AGK: variants seen among roughly 807,000 people sequenced by gnomAD.
AGK encodes acylglycerol kinase, also known as acylglycerol kinase, mitochondrial.
A neutral mutation model predicts 66.4 loss-of-function variants in AGK; 52 were observed. The observed-to-expected ratio is 0.78, with a 90% confidence interval of 0.63 to 0.99. The LOEUF (loss-of-function observed/expected upper bound fraction) is 0.99. Among genes scored for constraint, AGK ranks in the 50% least tolerant of loss-of-function variants. The pLI, the probability that AGK is intolerant of heterozygous loss-of-function variation, is 0.00. For synonymous variants in AGK, 182 were observed against 181.1 expected, an observed-to-expected ratio of 1.00 and a Z score of -0.04; for missense variants, 451 against 506.6, an observed-to-expected ratio of 0.89 and a Z score of 1.05.
intron 5 of AGK, among the ~76,000 whole-genome samples, chr7:141,609,827 T>C (rs1437420882): frequency 6.6e-6 from 1 of 152,104 alleles, no homozygotes; most frequent in African/African-American, 2.4e-5. Context: ...ACTGGCAAGA[T>C]TGAGAGGGCC....
At chr7:141,625,979 A>G (rs760895154) in intron 9 of AGK, among the ~76,000 whole-genome samples, 8 of 152,190 alleles carry the variant, frequency 5.3e-5, no homozygotes, top group Non-Finnish European at 8.8e-5. Context: ...TTATACATGA[A>G]CTGATGAATT....
Position 141,589,494 on chromosome 7 carries a change from A to G in AGK, c.102-3652A>G, listed in dbSNP as rs529045286. The stretch of plus-strand genomic sequence containing the variant: ...TTGAGGATGTGTTTGATTTTTAGGA[A>G]TAGTCGGGTTCAGATAGCAAGATCA... On this transcript the variant is annotated intron_variant, in intron 2 of 15. Coordinates refer to ENST00000649286, the MANE Select transcript of AGK (RefSeq NM_018238.4). Among the ~76,000 whole-genome samples the G allele has an allele frequency of 7.2e-5, 11 of 152,264 alleles. No homozygotes were observed. The South Asian group carries it at 1.9e-3, about 26-fold the overall frequency.
At position 141,555,665 on chromosome 7, in the gene AGK, A is replaced by T; in HGVS notation, c.101+98A>T. 2.4e-6 allele frequency: 2 copies of T among 823,124 alleles called. No individual in the cohort carries two copies. Among genetic ancestry groups the T allele is most frequent in the Non-Finnish European group, 3.9e-6 (2 of 517,240 alleles). The allele number at this position is 823,124 out of a possible 1,614,324, so 51.0% of individuals were successfully genotyped here. ...CTTGCTCAGCTGTGCTTATCCCTAT[A>T]AAACATGTGGTGTAAAAGAAAAATA... On this transcript the variant is annotated intron_variant, in intron 2 of 15. Transcript: ENST00000649286. This position sits in a 1 kb window ranked among gnomAD's most constrained non-coding sequence, Gnocchi z 4.2.
chr7:141,641,408 G>A lies in AGK; in HGVS notation c.877+10G>A, dbSNP rs1797286448. ...GCACAACCACAGGATGGTGAGCAAT[G>A]TGGCGACTAAAGATTGGAGGGCCCT... On this transcript the variant is annotated intron_variant, in intron 12 of 15. Transcript: ENST00000649286. The A allele has an allele frequency of 6.2e-7, 1 of 1,606,048 alleles. No individual in the cohort carries two copies. The highest frequency in any genetic ancestry group is 8.5e-7 in the Non-Finnish European group (1 of 1,177,466).
intron 2 of AGK, among the ~76,000 whole-genome samples, chr7:141,566,697 C>T (rs550763510): frequency 6.6e-6 from 1 of 152,348 alleles, no homozygotes; most frequent in East Asian, 1.9e-4. Context: ...GTCTCTCTGT[C>T]TCAGTGGCTG....
chr7:141,638,639 T>C lies in AGK; in HGVS notation c.726+1622T>C, dbSNP rs189155942. 3.3e-4 allele frequency among the ~76,000 whole-genome samples: 50 copies of C among 152,176 alleles called. 1 individual carries two copies. In the South Asian group the frequency reaches 0.01, roughly 31 times the overall value. On this transcript the variant is annotated intron_variant, in intron 11 of 15. Coordinates refer to ENST00000649286, the MANE Select transcript of AGK (RefSeq NM_018238.4). ...ACTAAGGAGGTAACAGTATTGACAA[T>C]AGAAGATGGATTAAAGAACTCTTAA...
At position 141,582,208 on chromosome 7, in the gene AGK, G is replaced by A. The variant is rs143003489; in HGVS notation, c.102-10938G>A. Among the ~76,000 whole-genome samples the A allele has an allele frequency of 6.2e-3, 950 of 152,082 alleles. 21 individuals carry two copies. The highest frequency in any genetic ancestry group is 0.022 in the African/African-American group (899 of 41,364). ...TAGCTTAGGAGGAATCCCGGGCTGCGGACATTCCTTGGCCCAGTGACCAGA... is the reference window on the plus strand; with the variant it reads ...TAGCTTAGGAGGAATCCCGGGCTGCAGACATTCCTTGGCCCAGTGACCAGA... On this transcript the variant is annotated intron_variant, in intron 2 of 15. Transcript: ENST00000649286.
intron 9 of AGK, among the ~76,000 whole-genome samples, chr7:141,622,083 C>T (rs2116976106): frequency 6.6e-6 from 1 of 151,342 alleles, no homozygotes; most frequent in South Asian, 2.1e-4. Context: ...GTGTTAAGTA[C>T]ACTTAGCTAC....
chr7:141,647,751 A>G (rs1241561700), intron 13 of AGK, among the ~76,000 whole-genome samples: 2 of 152,148 alleles, frequency 1.3e-5, no homozygotes, highest in East Asian at 3.9e-4. Context: ...GCTCACTGCA[A>G]TCTCTGCCTC....
intron 5 of AGK, among the ~76,000 whole-genome samples, chr7:141,610,152 A>G (rs1016416996): frequency 2.0e-5 from 3 of 151,992 alleles, no homozygotes; most frequent in Non-Finnish European, 4.4e-5. Flanking sequence ...TATTTTTAGT[A>G]GAGACGGGGT....
At chr7:141,558,176 G>C (rs1196514183) in intron 2 of AGK, among the ~76,000 whole-genome samples, 1 of 142,456 alleles carries the variant, frequency 7.0e-6, no homozygotes, top group Admixed American at 7.1e-5. Context: ...TTTTTTTTTT[G>C]AGACGGAGTC....
In AGK at chr7:141,555,695, C is replaced by T. The variant is rs1795194842; in HGVS notation, c.101+128C>T. On this transcript the variant is annotated intron_variant, in intron 2 of 15. Coordinates refer to ENST00000649286, the MANE Select transcript of AGK (RefSeq NM_018238.4). This position sits in a 1 kb window ranked among gnomAD's most constrained non-coding sequence, Gnocchi z 4.2. ...ATGTGGTGTAAAAGAAAAATAAATG[C>T]TATTCAAAGCAAAAACAAAGACTTC... is the stretch of plus-strand genomic sequence containing the variant. The T allele has an allele frequency of 3.3e-6, 2 of 608,790 alleles. No individual in the cohort carries two copies. Among genetic ancestry groups the T allele is most frequent in the Non-Finnish European group, 5.6e-6 (2 of 358,120 alleles). 37.7% of individuals were successfully genotyped at this position (608,790 alleles called of 1,614,324 possible). A position where few individuals can be genotyped will look rare whatever the true frequency, so the allele number is the denominator to read the frequency against.
chr7:141,570,953 C>T (rs1037813029), intron 2 of AGK, among the ~76,000 whole-genome samples: 1 of 152,202 alleles, frequency 6.6e-6, no homozygotes, highest in Middle Eastern at 3.4e-3. Context: ...ACTAGGTCTA[C>T]GTTTGCCCTG....
chr7:141,649,440 T>A (rs1346011379), intron 14 of AGK, 107 bp downstream of exon 14: 2 of 847,314 alleles, frequency 2.4e-6, no homozygotes, highest in Non-Finnish European at 3.8e-6. Flanking sequence ...AAGCCTTGTC[T>A]TGTTTGGGAA....
At chr7:141,601,429 T>G (rs1796338823) in intron 5 of AGK, 149 bp downstream of exon 5, 1 of 595,160 alleles carries the variant, frequency 1.7e-6, no homozygotes, top group African/African-American at 1.9e-5. Flanking sequence ...TGTAGTTTTG[T>G]TTTTTTCCAA....
rs775491441 is a variant in AGK, at chr7:141,601,229, A to C, written c.246A>C (p.Lys82Asn). The C allele has an allele frequency of 2.5e-6, 4 of 1,613,052 alleles. No individual in the cohort carries two copies. In the South Asian group the frequency reaches 3.3e-5, roughly 13 times the overall value. The change falls in exon 5 of 16, where the codon AAA becomes AAC. Residue 82 changes from lysine (K) to asparagine (N), a missense_variant. Lys to Asn is a moderately conservative substitution (Grantham distance 94, BLOSUM62 0). Transcript: ENST00000649286. ...CKGKARTLFE[K>N]NAAPILHLSG... ...GAAAAGCCAGGACTCTATTTGAAAA[A>C]AATGCTGCCCCGATTTTACATTTAT...
At chr7:141,634,684 G>A (rs976161474) in intron 10 of AGK, among the ~76,000 whole-genome samples, 5 of 152,160 alleles carry the variant, frequency 3.3e-5, no homozygotes, top group Admixed American at 6.5e-5. Context: ...TGTGAGATTC[G>A]CTTCATACCT....
chr7:141,651,530 G>C lies in AGK; in HGVS notation c.1052G>C (p.Arg351Pro), dbSNP rs374861637. 8.1e-6 allele frequency: 13 copies of C among 1,614,088 alleles called. No individual in the cohort carries two copies. Among genetic ancestry groups the C allele is most frequent in the South Asian group, 2.2e-5 (2 of 91,086 alleles). The change falls in exon 15 of 16, where the codon CGA (arginine) becomes CCA (proline). Residue 351 changes from arginine (R) to proline (P), a missense_variant. By Grantham distance (103) the Arg-to-Pro change is moderately radical. Coordinates refer to ENST00000649286, the MANE Select transcript of AGK (RefSeq NM_018238.4). ...GCTTTTTCCTGTGCTCACAGAAGTC[G>C]AAAGGTGAGAAACCCCAAGCTGCAC... is the stretch of plus-strand genomic sequence containing the variant. ...SKGDFITIGS[R>P]KVRNPKLHVE...
intron 2 of AGK, among the ~76,000 whole-genome samples, chr7:141,566,793 T>C (rs960871290): frequency 2.0e-5 from 3 of 152,202 alleles, no homozygotes; most frequent in African/African-American, 7.2e-5. Flanking sequence ...ACTTGTATCT[T>C]TAGTCTCAGA....
Sources: allele counts gnomAD v4.1 joint callset (sites outside exome capture counted in the v4.1 genomes callset), GRCh38; gene constraint gnomAD v4.1.1; non-coding constraint Gnocchi (gnomAD v3.1); transcripts MANE v1.5; gene names NCBI Gene and HGNC (gene_info 2026-07-23, HGNC 2026-07-21).